Variants in PTPRN2 observed in about 807,000 individuals in gnomAD.
The protein encoded by PTPRN2 is protein tyrosine phosphatase receptor type N2, also known as receptor-type tyrosine-protein phosphatase N2.
Under a neutral mutation model 118.8 loss-of-function variants are expected in PTPRN2, and 74 were observed. That is an observed-to-expected ratio of 0.62 (90% CI 0.52 to 0.76). PTPRN2 has a LOEUF of 0.76. PTPRN2 is among the 30% of genes least tolerant of loss of function. The pLI is 0.00. For missense variants in PTPRN2, 1,481 were observed against 1,394.4 expected (o/e 1.06, Z -0.99); for synonymous variants, 641 against 608.0 (o/e 1.05, Z -0.80).
At chr7:158,542,876 T>C (rs1826069487) in intron 1 of PTPRN2, among the ~76,000 whole-genome samples, 2 of 152,136 alleles carry the variant, frequency 1.3e-5, no homozygotes, top group Admixed American at 1.3e-4. Flanking sequence ...AGCCCATTAC[T>C]GGACATCAAA....
rs1554494502 is a variant in PTPRN2 at position 157,571,202 on chromosome 7, T to TTAA, written c.2837+237_2837+238insTTA. The stretch of plus-strand genomic sequence containing the variant: ...TGCACTGCAGCGTGGGCAACAGAGT[T>TTAA]AAAAAAAAAAAAAAAAAAAAGCAAG... On this transcript the variant is annotated intron_variant, in intron 20 of 22. Transcript: ENST00000389418. 1.1e-3 allele frequency among the ~76,000 whole-genome samples: 136 copies of TTAA among 129,458 alleles called. 11 individuals carry two copies. Among genetic ancestry groups the TTAA allele is most frequent in the East Asian group, 2.6e-3 (12 of 4,634 alleles). The allele number at this position is 129,458 out of a possible 152,430, so 84.9% of individuals were successfully genotyped here. A position where few individuals can be genotyped will look rare whatever the true frequency, so the allele number is the denominator to read the frequency against.
At chr7:158,108,628 T>G (rs1273305809) in intron 10 of PTPRN2, among the ~76,000 whole-genome samples, 3 of 152,022 alleles carry the variant, frequency 2.0e-5, no homozygotes, top group Non-Finnish European at 4.4e-5. Flanking sequence ...CAGTGTGGAG[T>G]TGCATGTCAC....
chr7:158,417,868 C>A (rs1209273097), intron 2 of PTPRN2, among the ~76,000 whole-genome samples: 32 of 118,598 alleles, frequency 2.7e-4, no homozygotes, highest in Non-Finnish European at 3.7e-4. Flanking sequence ...TCTAGCTCTC[C>A]GTGTCCCCCT....
intron 2 of PTPRN2, among the ~76,000 whole-genome samples, chr7:158,317,989 TGC>T: frequency 6.6e-6 from 1 of 152,320 alleles, no homozygotes; most frequent in Non-Finnish European, 1.5e-5. Context: ...GCCTGGCAGC[TGC>T]GCGGGCGGGC....
At chr7:158,270,779 G>GGCCGCCCCGTCC (rs1563067139) in intron 3 of PTPRN2, among the ~76,000 whole-genome samples, 2 of 117,338 alleles carry the variant, frequency 1.7e-5, no homozygotes, top group African/African-American at 4.0e-5. Flanking sequence ...CGTCCACCTG[G>GGCCGCCCCGTCC]ACCACCCCTC....
At chr7:157,584,299 C>G (rs906604821) in intron 17 of PTPRN2, among the ~76,000 whole-genome samples, 1 of 152,176 alleles carries the variant, frequency 6.6e-6, no homozygotes, top group Non-Finnish European at 1.5e-5. Flanking sequence ...GTATGTCTTT[C>G]CTCTACCAGA....
chr7:158,142,233 C>T (rs879930409), intron 6 of PTPRN2, among the ~76,000 whole-genome samples: 3 of 152,210 alleles, frequency 2.0e-5, no homozygotes, highest in Non-Finnish European at 4.4e-5. Context: ...TCTGTGGGCT[C>T]AGACTCCAGG....
In PTPRN2 at chr7:158,146,484, C is replaced by T. The variant is rs561418643; in HGVS notation, c.911-7969G>A. ...CACCTGTAATCCCAGCACTTTGGGACGCTGAGGCATGCGGATCACGAGGTC... is the reference window on the plus strand; with the variant it reads ...CACCTGTAATCCCAGCACTTTGGGATGCTGAGGCATGCGGATCACGAGGTC... On this transcript the variant is annotated intron_variant, in intron 6 of 22. Transcript: ENST00000389418. Among the ~76,000 whole-genome samples, 386 of 152,052 alleles carry T rather than the reference C, an allele frequency of 2.5e-3. 1 individual carries two copies. In the Middle Eastern group the frequency reaches 0.034, roughly 13 times the overall value.
Position 157,671,913 on chromosome 7 carries a change from G to A in PTPRN2, c.2001+10812C>T, listed in dbSNP as rs1003911127. ...GGGTGCTGAGCCCTAAGGTCTGTAC[G>A]GGGAGTTTCTAAAAGTCTACGCTGT... On this transcript the variant is annotated intron_variant, in intron 13 of 22. Coordinates refer to ENST00000389418, the MANE Select transcript of PTPRN2 (RefSeq NM_002847.5). This position sits in a 1 kb window ranked among gnomAD's most constrained non-coding sequence, Gnocchi z 4.1. 2.0e-5 allele frequency among the ~76,000 whole-genome samples: 3 copies of A among 152,170 alleles called. No homozygotes were observed. Among genetic ancestry groups the A allele is most frequent in the Admixed American group, 6.5e-5 (1 of 15,284 alleles).
At chr7:158,473,548 T>C (rs1017635510) in intron 2 of PTPRN2, among the ~76,000 whole-genome samples, 2 of 152,172 alleles carry the variant, frequency 1.3e-5, no homozygotes, top group Admixed American at 1.3e-4. Flanking sequence ...ACAATCTCCA[T>C]GGCAACTAGA....
chr7:157,871,487 C>T (rs542449540), intron 12 of PTPRN2, among the ~76,000 whole-genome samples: 1 of 152,078 alleles, frequency 6.6e-6, no homozygotes, highest in Non-Finnish European at 1.5e-5. Flanking sequence ...TCGCGTTCAT[C>T]GGCAGCTGTG....
At chr7:157,942,168 CAG>C (rs1563259977) in intron 11 of PTPRN2, among the ~76,000 whole-genome samples, 30 of 35,466 alleles carry the variant, frequency 8.5e-4, no homozygotes, top group African/African-American at 2.5e-3. Flanking sequence ...CCTCCACACA[CAG>C]GGGTCCTCGG....
chr7:158,470,740 C>G (rs749300105), intron 2 of PTPRN2, among the ~76,000 whole-genome samples: 1 of 152,126 alleles, frequency 6.6e-6, no homozygotes, highest in Non-Finnish European at 1.5e-5. Context: ...GAGCATTCAC[C>G]GAGGTGGAGA....
chr7:158,069,496 C>T (rs1476009460), intron 11 of PTPRN2, among the ~76,000 whole-genome samples: 3 of 151,976 alleles, frequency 2.0e-5, no homozygotes, highest in South Asian at 4.2e-4. Context: ...CACACCCCCA[C>T]CTTCTCCATT....
intron 1 of PTPRN2, chr7:158,541,662 C>T (rs1459281246): frequency 1.9e-5 from 26 of 1,334,422 alleles, no homozygotes; most frequent in Non-Finnish European, 2.4e-5. Context: ...TACCAAGGTA[C>T]GAACGTTAGT....
At chr7:158,575,464 A>G (rs1828270858) in intron 1 of PTPRN2, among the ~76,000 whole-genome samples, 1 of 152,220 alleles carries the variant, frequency 6.6e-6, no homozygotes, top group Non-Finnish European at 1.5e-5. Flanking sequence ...TCCTGGGCTC[A>G]AGTGATCCTC....
chr7:158,358,727 A>C (rs1477828996), intron 2 of PTPRN2, among the ~76,000 whole-genome samples: 1 of 152,228 alleles, frequency 6.6e-6, no homozygotes, highest in Non-Finnish European at 1.5e-5. Context: ...CTCCGATTGC[A>C]CTGATACGTG....
At chr7:158,336,326 G>C (rs375999771) in intron 2 of PTPRN2, among the ~76,000 whole-genome samples, 54 of 113,890 alleles carry the variant, frequency 4.7e-4, no homozygotes, top group African/African-American at 1.4e-3. Context: ...ACCATAAGAG[G>C]TGACACCTGC....
intron 3 of PTPRN2, among the ~76,000 whole-genome samples, chr7:158,273,292 C>T (rs1280018904): frequency 6.6e-6 from 1 of 152,166 alleles, no homozygotes; most frequent in Non-Finnish European, 1.5e-5. Context: ...GAGCACCCAC[C>T]GCAAGCCCAC....
Sources: allele counts gnomAD v4.1 joint callset (sites outside exome capture counted in the v4.1 genomes callset), GRCh38; gene constraint gnomAD v4.1.1; non-coding constraint Gnocchi (gnomAD v3.1); transcripts MANE v1.5; gene names NCBI Gene and HGNC (gene_info 2026-07-23, HGNC 2026-07-21).